The following SNX24 variants were observed in gnomAD, a reference collection of about 807,000 sequenced individuals.
The protein encoded by SNX24 is sorting nexin-24.
SNX24 carries 22 observed loss-of-function variants against 28.7 expected under a neutral mutation model. That is an observed-to-expected ratio of 0.77 (90% CI 0.55 to 1.10). The LOEUF is 1.10. SNX24 is among the 50% of genes least tolerant of loss of function. The pLI, the probability that SNX24 is intolerant of heterozygous loss-of-function variation, is 0.00. For missense variants in SNX24, 221 were observed against 201.1 expected, an observed-to-expected ratio of 1.10 and a Z score of -0.60; for synonymous variants, 69 against 71.5, an observed-to-expected ratio of 0.96 and a Z score of 0.18.
chr5:122,985,050 A>C (rs986837423), intron 3 of SNX24, among the ~76,000 whole-genome samples: 1 of 152,222 alleles, frequency 6.6e-6, no homozygotes, highest in Non-Finnish European at 1.5e-5. Flanking sequence ...AGCAGAGTCC[A>C]TTTGATACAA....
intron 6 of SNX24, among the ~76,000 whole-genome samples, chr5:123,007,464 G>T (rs909530936): frequency 6.6e-6 from 1 of 152,148 alleles, no homozygotes; most frequent in Admixed American, 6.5e-5. Context: ...AAATCTGGCC[G>T]CACATTCCTG....
intron 1 of SNX24, among the ~76,000 whole-genome samples, chr5:122,860,742 G>A (rs1473993831): frequency 1.3e-5 from 2 of 151,896 alleles, no homozygotes; most frequent in Non-Finnish European, 2.9e-5. Flanking sequence ...GACTACAGGC[G>A]CCTGCCACCA....
At chr5:122,949,018 A>G (rs1233218490) in intron 3 of SNX24, among the ~76,000 whole-genome samples, 1 of 152,230 alleles carries the variant, frequency 6.6e-6, no homozygotes, top group Non-Finnish European at 1.5e-5. Context: ...AAAACTATGC[A>G]TATGCTTTCA....
intron 1 of SNX24, among the ~76,000 whole-genome samples, chr5:122,897,978 A>G (rs1757274953): frequency 6.6e-6 from 1 of 152,218 alleles, no homozygotes; most frequent in Admixed American, 6.5e-5. Flanking sequence ...GGTCTTTGAT[A>G]CTAAGATCAA....
At chr5:122,951,524 T>G (rs1199471780) in intron 3 of SNX24, among the ~76,000 whole-genome samples, 1 of 152,182 alleles carries the variant, frequency 6.6e-6, no homozygotes, top group Admixed American at 6.5e-5. Context: ...TAATTTCAGT[T>G]TCCCAAATTG....
chr5:122,918,383 T>C (rs1209498971), intron 1 of SNX24, among the ~76,000 whole-genome samples: 1 of 152,246 alleles, frequency 6.6e-6, no homozygotes. Context: ...GGCCAAATTA[T>C]ATAATTTGGA....
intron 3 of SNX24, among the ~76,000 whole-genome samples, chr5:122,979,405 T>C (rs1761300840): frequency 6.6e-6 from 1 of 152,146 alleles, no homozygotes; most frequent in African/African-American, 2.4e-5. Flanking sequence ...CAACCCGGCA[T>C]GCCCACTGCA....
intron 3 of SNX24, among the ~76,000 whole-genome samples, chr5:122,971,688 A>T (rs939985293): frequency 6.6e-6 from 1 of 152,226 alleles, no homozygotes; most frequent in Non-Finnish European, 1.5e-5. Flanking sequence ...AGGAAATAAA[A>T]TGAAGATATT....
intron 1 of SNX24, among the ~76,000 whole-genome samples, chr5:122,870,627 C>T (rs1465717579): frequency 1.3e-5 from 2 of 152,152 alleles, no homozygotes; most frequent in East Asian, 1.9e-4. Flanking sequence ...ATGACAAACG[C>T]GTGTGCATGT....
chr5:122,853,839 A>G, intron 1 of SNX24: 1 of 187,780 alleles, frequency 5.3e-6, no homozygotes, highest in Non-Finnish European at 1.2e-5. Flanking sequence ...AGCCTGTTCC[A>G]CTAGGAGTGT....
chr5:122,951,304 A>T (rs899008768), intron 3 of SNX24, among the ~76,000 whole-genome samples: 1 of 151,232 alleles, frequency 6.6e-6, no homozygotes, highest in African/African-American at 2.4e-5. Context: ...GAAAATTTAA[A>T]GTCATAAATC....
chr5:122,904,464 T>C (rs931117939), intron 1 of SNX24, among the ~76,000 whole-genome samples: 1 of 152,220 alleles, frequency 6.6e-6, no homozygotes, highest in Non-Finnish European at 1.5e-5. Flanking sequence ...ATTACAGGTG[T>C]GAGCCACCAC....
intron 1 of SNX24, among the ~76,000 whole-genome samples, chr5:122,880,379 G>A (rs1756425214): frequency 1.3e-5 from 2 of 152,148 alleles, no homozygotes; most frequent in African/African-American, 4.8e-5. Flanking sequence ...GAGGAGAGGA[G>A]GCCAAGGAAG....
chr5:122,858,740 C>T (rs1472008806), intron 1 of SNX24, among the ~76,000 whole-genome samples: 1 of 152,182 alleles, frequency 6.6e-6, no homozygotes, highest in Non-Finnish European at 1.5e-5. Context: ...CAATGTAATT[C>T]TTAATGTCAT....
intron 1 of SNX24, among the ~76,000 whole-genome samples, chr5:122,904,909 C>T (rs1336073289): frequency 5.3e-5 from 8 of 152,138 alleles, no homozygotes; most frequent in Admixed American, 2.0e-4. Context: ...CTGTTTGGAG[C>T]GGCCGTCTCG....
intron 3 of SNX24, among the ~76,000 whole-genome samples, chr5:122,950,389 G>A (rs1759887149): frequency 6.6e-6 from 1 of 152,152 alleles, no homozygotes; most frequent in Non-Finnish European, 1.5e-5. Flanking sequence ...AGGCAGAAGG[G>A]TAGATCTAGC....
intron 1 of SNX24, 57 bp downstream of exon 1, chr5:122,845,750 C>T: frequency 9.1e-7 from 1 of 1,104,218 alleles, no homozygotes. Context: ...GGCTGCTGCG[C>T]CCAGGAAACA....
At chr5:122,932,650 A>C (rs1759003843) in intron 1 of SNX24, among the ~76,000 whole-genome samples, 2 of 152,172 alleles carry the variant, frequency 1.3e-5, no homozygotes, top group Non-Finnish European at 2.9e-5. Flanking sequence ...CAGGCGGATC[A>C]CAAGGTCAGG....
At chr5:123,010,786 A>C (rs1054828743), downstream of SNX24, among the ~76,000 whole-genome samples, 2 of 152,102 alleles carry the variant, frequency 1.3e-5, no homozygotes, top group African/African-American at 4.8e-5. Context: ...TTGTATGTTT[A>C]GTGTACATAT....
Sources: gnomAD v4.1 joint callset for allele counts (sites outside exome capture counted in the v4.1 genomes callset) on GRCh38, gnomAD v4.1.1 for gene constraint, MANE v1.5 for transcripts, NCBI Gene and HGNC (gene_info 2026-07-23, HGNC 2026-07-21) for gene names.